Variants in CELF4 observed in about 807,000 individuals in gnomAD.
CELF4 encodes the protein CUG-BP- and ETR-3-like factor 4.
CELF4 carries 18 observed loss-of-function variants against 59.9 expected under a neutral mutation model. The ratio of observed to expected loss-of-function variants is 0.30; its 90% CI spans 0.21 to 0.45. CELF4 has a LOEUF of 0.45. Among genes scored for constraint, CELF4 ranks in the 20% least tolerant of loss-of-function variants. The pLI, the probability that CELF4 is intolerant of heterozygous loss-of-function variation, is 1.00. For missense variants in CELF4, 456 were observed against 689.0 expected, an observed-to-expected ratio of 0.66 and a Z score of 3.79; for synonymous variants, 261 against 267.1, an observed-to-expected ratio of 0.98 and a Z score of 0.22.
At chr18:37,392,900 T>C (rs773199436) in intron 2 of CELF4, among the ~76,000 whole-genome samples, 3 of 152,200 alleles carry the variant, frequency 2.0e-5, no homozygotes, top group Non-Finnish European at 2.9e-5. Flanking sequence ...AGCGCCTACA[T>C]TGATATTGTT....
chr18:37,317,765 A>T (rs2096918982), intron 3 of CELF4, among the ~76,000 whole-genome samples: 2 of 152,192 alleles, frequency 1.3e-5, no homozygotes, highest in Admixed American at 1.3e-4. Context: ...CTCAGCCAGC[A>T]ATCCATGTGT....
chr18:37,323,033 G>T (rs1464157668), intron 2 of CELF4, among the ~76,000 whole-genome samples: 1 of 152,184 alleles, frequency 6.6e-6, no homozygotes, highest in Non-Finnish European at 1.5e-5. Flanking sequence ...CCGTACAGCG[G>T]CTGGACCAGC....
intron 2 of CELF4, among the ~76,000 whole-genome samples, chr18:37,441,090 C>T (rs945079064): frequency 6.6e-6 from 1 of 152,218 alleles, no homozygotes; most frequent in Non-Finnish European, 1.5e-5. Context: ...TTCAGACTGT[C>T]TCTCCCCGCT....
intron 2 of CELF4, among the ~76,000 whole-genome samples, chr18:37,423,450 G>T (rs1490305163): frequency 6.6e-6 from 1 of 152,114 alleles, no homozygotes; most frequent in Non-Finnish European, 1.5e-5. Context: ...GTGGGCTTAG[G>T]AGGAGCTCAG....
intron 2 of CELF4, among the ~76,000 whole-genome samples, chr18:37,404,959 C>T (rs989108704): frequency 6.6e-6 from 1 of 152,142 alleles, no homozygotes; most frequent in Non-Finnish European, 1.5e-5. Flanking sequence ...ATTTGTCCCA[C>T]CAAACAAACA....
At chr18:37,343,801 T>A (rs1179885855) in intron 2 of CELF4, among the ~76,000 whole-genome samples, 1 of 151,994 alleles carries the variant, frequency 6.6e-6, no homozygotes, top group Admixed American at 6.6e-5. Context: ...AGTGTGCACA[T>A]GTGCTGCAGC....
chr18:37,500,082 G>A (rs1024676668), intron 1 of CELF4, among the ~76,000 whole-genome samples: 1 of 152,216 alleles, frequency 6.6e-6, no homozygotes, highest in Non-Finnish European at 1.5e-5. Context: ...GACAAACTGT[G>A]TAGGAAGCTG....
chr18:37,381,541 T>C (rs952174511), intron 2 of CELF4, among the ~76,000 whole-genome samples: 3 of 152,112 alleles, frequency 2.0e-5, no homozygotes, highest in African/African-American at 7.2e-5. Context: ...CACATGAACA[T>C]TCCTTTAGAA....
In CELF4 at chr18:37,274,425, G is replaced by A. The variant is rs758698268; in HGVS notation, c.687C>T (p.Phe229=). 3 of 1,613,182 alleles carry A rather than the reference G, an allele frequency of 1.9e-6. No homozygotes were observed. The highest frequency in any genetic ancestry group is 1.1e-5 in the South Asian group (1 of 91,074). The change falls in exon 6 of 13, where the codon TTC becomes TTT. Residue 229 remains phenylalanine, a synonymous_variant. Coordinates refer to ENST00000420428, the MANE Select transcript of CELF4 (RefSeq NM_020180.4). ...TCGTGCGCTCCTTGTCGGTGTCGGC[G>A]AACTTGACCACCAGACTGGACGAGG... ...PGASSSLVVK[F]ADTDKERTMR...
Position 37,481,133 on chromosome 18 carries a change from G to C in CELF4, c.369+4392C>G, listed in dbSNP as rs533463088. Among the ~76,000 whole-genome samples, 16 of 152,320 alleles carry C rather than the reference G, an allele frequency of 1.1e-4. 1 individual carries two copies. In the South Asian group the frequency reaches 2.9e-3, roughly 28 times the overall value. Reference sequence around the variant, plus strand: ...CCAGGCTGACGCGAGGGGAGGGGAAGGGGGAGACAGCAGGGAGGAGTGTGT... The same window carrying C: ...CCAGGCTGACGCGAGGGGAGGGGAACGGGGAGACAGCAGGGAGGAGTGTGT... On this transcript the variant is annotated intron_variant, in intron 2 of 12. Transcript: ENST00000420428.
chr18:37,432,352 G>T (rs1044205520), intron 2 of CELF4, among the ~76,000 whole-genome samples: 1 of 152,238 alleles, frequency 6.6e-6, no homozygotes, highest in Non-Finnish European at 1.5e-5. Flanking sequence ...TGGGCCCAGA[G>T]GGGGAGCTTG....
At chr18:37,529,763 T>C (rs537412111) in intron 1 of CELF4, among the ~76,000 whole-genome samples, 1 of 152,302 alleles carries the variant, frequency 6.6e-6, no homozygotes, top group East Asian at 1.9e-4. Flanking sequence ...AGCAACCAGC[T>C]ACCACTCAAC....
chr18:37,300,579 A>G (rs1441344274), intron 3 of CELF4, among the ~76,000 whole-genome samples: 2 of 152,184 alleles, frequency 1.3e-5, no homozygotes, highest in African/African-American at 4.8e-5. Context: ...GCATTCAGCC[A>G]TTCATTTCCT....
At chr18:37,415,871 G>A (rs1001145359) in intron 2 of CELF4, among the ~76,000 whole-genome samples, 2 of 152,168 alleles carry the variant, frequency 1.3e-5, no homozygotes, top group Admixed American at 1.3e-4. Context: ...TATTCACCAC[G>A]ACTACTGCAA....
intron 1 of CELF4, among the ~76,000 whole-genome samples, chr18:37,500,991 C>A (rs966640402): frequency 2.6e-5 from 4 of 152,232 alleles, no homozygotes; most frequent in African/African-American, 9.6e-5. Context: ...CAGCTCTACC[C>A]TTCCTGTGAG....
intron 2 of CELF4, among the ~76,000 whole-genome samples, chr18:37,407,848 A>G (rs1453867108): frequency 2.0e-5 from 3 of 152,190 alleles, no homozygotes; most frequent in Non-Finnish European, 2.9e-5. Flanking sequence ...GCAGGAGATT[A>G]AATAATGAAT....
chr18:37,427,164 G>A (rs1013298187), intron 2 of CELF4, among the ~76,000 whole-genome samples: 4 of 152,150 alleles, frequency 2.6e-5, no homozygotes, highest in Admixed American at 6.5e-5. Context: ...TCAGCTGGAC[G>A]TGGGGCTTGC....
chr18:37,509,872 C>T (rs1158835215), intron 1 of CELF4, among the ~76,000 whole-genome samples: 1 of 152,142 alleles, frequency 6.6e-6, no homozygotes. Flanking sequence ...TGTGGATGAA[C>T]CTTGAAAATA....
At chr18:37,248,500 C>T (rs1433351504) in intron 12 of CELF4, among the ~76,000 whole-genome samples, 1 of 152,126 alleles carries the variant, frequency 6.6e-6, no homozygotes, top group Admixed American at 6.5e-5. Context: ...CAGAGGCGAG[C>T]GCCTCCAGCC....
Sources: gnomAD v4.1 joint callset for allele counts (sites outside exome capture counted in the v4.1 genomes callset) on GRCh38, gnomAD v4.1.1 for gene constraint, MANE v1.5 for transcripts, NCBI Gene and HGNC (gene_info 2026-07-23, HGNC 2026-07-21) for gene names.